The following ANO3 variants were observed in gnomAD, a reference collection of about 807,000 sequenced individuals.
ANO3 encodes the protein anoctamin 3.
ANO3 carries 99 observed loss-of-function variants against 144.8 expected under a neutral mutation model. The ratio of observed to expected loss-of-function variants is 0.68; its 90% CI spans 0.58 to 0.81. The LOEUF (loss-of-function observed/expected upper bound fraction) is 0.81. Among genes scored for constraint, ANO3 ranks in the 30% least tolerant of loss-of-function variants. The pLI is 0.00. For missense variants in ANO3, 905 were observed against 1,202.2 expected, an observed-to-expected ratio of 0.75 and a Z score of 3.66; for synonymous variants, 414 against 392.6, an observed-to-expected ratio of 1.05 and a Z score of -0.64.
intron 1 of ANO3, among the ~76,000 whole-genome samples, chr11:26,216,851 A>G (rs998216800): frequency 6.6e-6 from 1 of 151,994 alleles, no homozygotes; most frequent in Non-Finnish European, 1.5e-5. Context: ...TTGATTTGCC[A>G]TCTGATCTTC....
At chr11:26,231,523 T>A (rs548890180) in intron 1 of ANO3, among the ~76,000 whole-genome samples, 1 of 152,298 alleles carries the variant, frequency 6.6e-6, no homozygotes, top group South Asian at 2.1e-4. Flanking sequence ...CAGTCATTCA[T>A]CAATTAGCAG....
At chr11:26,590,117 C>G (rs181574762) in intron 14 of ANO3, among the ~76,000 whole-genome samples, 3 of 152,112 alleles carry the variant, frequency 2.0e-5, no homozygotes, top group African/African-American at 7.2e-5. Flanking sequence ...AAGGATACAA[C>G]GTTTAGAACC....
intron 23 of ANO3, 29 bp downstream of exon 23, chr11:26,643,363 C>T (rs748752217): frequency 5.0e-6 from 8 of 1,612,372 alleles, no homozygotes; most frequent in South Asian, 3.3e-5. Context: ...ATGATTTTTA[C>T]GTTGCTAACA....
intron 1 of ANO3, among the ~76,000 whole-genome samples, chr11:26,243,512 C>T (rs893531191): frequency 6.6e-6 from 1 of 151,914 alleles, no homozygotes; most frequent in Non-Finnish European, 1.5e-5. Context: ...ATAGAGAAAG[C>T]TATTTGCTTA....
In ANO3 at chr11:26,613,784, T is replaced by A. The variant is rs576719076; in HGVS notation, c.1837-10678T>A. ...GTGATATTGTCTCAGAAGCCTAGTC[T>A]ATGGTTGACTATAAGGGCAATAATG... On this transcript the variant is annotated intron_variant, in intron 17 of 26. Transcript: ENST00000256737. Among the ~76,000 whole-genome samples, 191 of 152,314 alleles carry A rather than the reference T, an allele frequency of 1.3e-3. 1 individual carries two copies. Among genetic ancestry groups the A allele is most frequent in the African/African-American group, 4.4e-3 (181 of 41,568 alleles).
upstream of ANO3, among the ~76,000 whole-genome samples, chr11:26,308,879 C>T (rs1458521396): frequency 6.6e-6 from 1 of 152,096 alleles, no homozygotes; most frequent in Non-Finnish European, 1.5e-5. Flanking sequence ...AGCTAAACAG[C>T]CTATGCACAT....
chr11:26,594,238 G>A (rs1422418699), intron 14 of ANO3, among the ~76,000 whole-genome samples: 5 of 152,108 alleles, frequency 3.3e-5, no homozygotes, highest in Non-Finnish European at 2.9e-5. Context: ...CTGATTTTGC[G>A]TCCCAATGAG....
chr11:26,320,684 C>T (rs1002397941), intron 1 of ANO3, among the ~76,000 whole-genome samples: 8 of 151,978 alleles, frequency 5.3e-5, no homozygotes, highest in East Asian at 3.9e-4. Context: ...TTATAAATTA[C>T]ACTCCTACCT....
chr11:26,639,366 G>T (rs1853070509), intron 21 of ANO3, 125 bp downstream of exon 21: 1 of 669,724 alleles, frequency 1.5e-6, no homozygotes, highest in Non-Finnish European at 2.6e-6. Context: ...TTCCTGTTCT[G>T]CTCCTTACTA....
At chr11:26,631,144 C>T (rs1852764812) in intron 18 of ANO3, among the ~76,000 whole-genome samples, 1 of 151,904 alleles carries the variant, frequency 6.6e-6, no homozygotes, top group Non-Finnish European at 1.5e-5. Context: ...ATGTTAATCT[C>T]TTCAGTACAG....
intron 17 of ANO3, among the ~76,000 whole-genome samples, chr11:26,607,737 C>A (rs1475721988): frequency 6.6e-6 from 1 of 152,148 alleles, no homozygotes; most frequent in Non-Finnish European, 1.5e-5. Context: ...GCTATTGATA[C>A]TTGTGTATGC....
intron 1 of ANO3, among the ~76,000 whole-genome samples, chr11:26,356,190 T>A (rs527511241): frequency 1.3e-5 from 2 of 152,164 alleles, no homozygotes; most frequent in African/African-American, 4.8e-5. Flanking sequence ...TACACACATA[T>A]GTGTGTATGC....
intron 1 of ANO3, among the ~76,000 whole-genome samples, chr11:26,217,780 T>A (rs1345210847): frequency 1.3e-5 from 2 of 152,080 alleles, no homozygotes; most frequent in African/African-American, 4.8e-5. Context: ...ATTTTAAATT[T>A]AAACATGTTA....
At chr11:26,612,923 A>C (rs931803705) in intron 17 of ANO3, among the ~76,000 whole-genome samples, 2 of 151,998 alleles carry the variant, frequency 1.3e-5, no homozygotes, top group Non-Finnish European at 2.9e-5. Context: ...CAGATTTTGG[A>C]ATCTTCTCTT....
chr11:26,327,211 G>A (rs760691742), upstream of ANO3, among the ~76,000 whole-genome samples: 2 of 151,964 alleles, frequency 1.3e-5, no homozygotes, highest in Admixed American at 6.6e-5. Flanking sequence ...TCATCTTTTC[G>A]GCACCATGAC....
At chr11:26,579,818 T>C (rs1297101804) in intron 14 of ANO3, among the ~76,000 whole-genome samples, 1 of 152,136 alleles carries the variant, frequency 6.6e-6, no homozygotes, top group Non-Finnish European at 1.5e-5. Flanking sequence ...CAGACAAACC[T>C]GGGGCAGAGT....
chr11:26,442,865 C>T (rs921662706), intron 2 of ANO3, among the ~76,000 whole-genome samples: 2 of 152,128 alleles, frequency 1.3e-5, no homozygotes, highest in African/African-American at 4.8e-5. Context: ...CTCCCGGGTT[C>T]AAGTGATTCT....
At chr11:26,539,135 CA>C (rs1849582661) in intron 10 of ANO3, among the ~76,000 whole-genome samples, 2 of 194 alleles carry the variant, frequency 0.01, no homozygotes. Context: ...AAGAGAAATA[CA>C]CACACACACA....
chr11:26,481,640 T>C (rs1860221431), intron 4 of ANO3, among the ~76,000 whole-genome samples: 2 of 152,308 alleles, frequency 1.3e-5, no homozygotes, highest in Non-Finnish European at 1.5e-5. Flanking sequence ...AGCCTATTGA[T>C]AAAATTTATC....
Sources: gnomAD v4.1 joint callset for allele counts (sites outside exome capture counted in the v4.1 genomes callset) on GRCh38, gnomAD v4.1.1 for gene constraint, MANE v1.5 for transcripts, NCBI Gene and HGNC (gene_info 2026-07-23, HGNC 2026-07-21) for gene names.